Variants in EIF4G1 observed in about 807,000 individuals in gnomAD.
The protein encoded by EIF4G1 is eukaryotic translation initiation factor 4 gamma 1.
A neutral mutation model predicts 187.8 loss-of-function variants in EIF4G1; 4 were observed. That is an observed-to-expected ratio of 0.02 (90% CI 0.01 to 0.05). The LOEUF is 0.05. EIF4G1 is among the 10% of genes least tolerant of loss of function. The pLI, the probability that EIF4G1 is intolerant of heterozygous loss-of-function variation, is 1.00. For synonymous variants in EIF4G1, 844 were observed against 781.4 expected, an observed-to-expected ratio of 1.08 and a Z score of -1.34; for missense variants, 1,647 against 2,081.1, an observed-to-expected ratio of 0.79 and a Z score of 4.06.
chr3:184,324,128 GTAGT>G, intron 16 of EIF4G1, 69 bp from the exon 17 acceptor site: 4 of 1,610,530 alleles, frequency 2.5e-6, no homozygotes, highest in Non-Finnish European at 3.4e-6. Context: ...CCTGGGTCAG[GTAGT>G]TAAAGGCTCT....
intron 28 of EIF4G1, among the ~76,000 whole-genome samples, chr3:184,330,358 G>A (rs1725810256): frequency 6.6e-6 from 1 of 152,058 alleles, no homozygotes; most frequent in African/African-American, 2.4e-5. Context: ...CAGCCTGGGC[G>A]ACAGAGCAAG....
chr3:184,321,109 T>C (rs960510146), intron 9 of EIF4G1, 116 bp downstream of exon 9: 17 of 1,500,026 alleles, frequency 1.1e-5, no homozygotes, highest in Non-Finnish European at 1.5e-5. Context: ...AGATTTCAGG[T>C]TGTGGGATTT....
At chr3:184,324,010 C>A in intron 16 of EIF4G1, 33 bp downstream of exon 16, 1 of 1,612,768 alleles carries the variant, frequency 6.2e-7, no homozygotes, top group South Asian at 1.1e-5. Flanking sequence ...ATCTAATGGT[C>A]TGGTTGCCCA....
chr3:184,317,837 GA>G, intron 6 of EIF4G1, 21 bp downstream of exon 6: 1 of 1,576,068 alleles, frequency 6.3e-7, no homozygotes, highest in Non-Finnish European at 8.7e-7. Flanking sequence ...GAGGGAGTCA[GA>G]GGTGAGAACA....
chr3:184,321,338 C>T lies in EIF4G1; in HGVS notation c.754C>T (p.His252Tyr), dbSNP rs778091906. Residue 252 changes from histidine to tyrosine, a missense_variant, in exon 10 of 33, where the codon CAT becomes TAT. His to Tyr is a moderately conservative substitution (Grantham distance 83, BLOSUM62 2). Transcript: ENST00000346169. ...ADRPGLPGPEHSPSESQPSSP... is the reference protein window; with the variant it reads ...ADRPGLPGPEYSPSESQPSSP... Reference sequence around the variant, plus strand: ...CCGGCCAGGGCTGCCTGGCCCAGAGCATAGCCCTTCAGAATCCCAGCCTTC... The same window carrying T: ...CCGGCCAGGGCTGCCTGGCCCAGAGTATAGCCCTTCAGAATCCCAGCCTTC... The T allele has an allele frequency of 1.9e-6, 3 of 1,614,166 alleles. No individual in the cohort carries two copies. In the South Asian group the frequency reaches 3.3e-5, roughly 18 times the overall value.
intron 7 of EIF4G1, 27 bp downstream of exon 7, chr3:184,319,828 C>T: frequency 2.0e-6 from 3 of 1,476,828 alleles, no homozygotes; most frequent in African/African-American, 1.4e-5. Flanking sequence ...GGCTCCGGGA[C>T]ATCTGGGAAG....
At position 184,335,114 on chromosome 3, in the gene EIF4G1, C is replaced by A; in HGVS notation, c.*206C>A. 1 of 627,202 alleles carries A rather than the reference C, an allele frequency of 1.6e-6. No individual in the cohort carries two copies. Among genetic ancestry groups the A allele is most frequent in the South Asian group, 1.9e-5 (1 of 53,786 alleles). The allele number at this position is 627,202 out of a possible 1,614,324, so 38.9% of individuals were successfully genotyped here. On this transcript the variant is annotated 3_prime_UTR_variant, in exon 33 of 33. Transcript: ENST00000346169. ...GATGCCGCCAGGTGTCCCTCTCCTCCCCCTGGGGCACAGAGATATATTATA... is the reference window on the plus strand; with the variant it reads ...GATGCCGCCAGGTGTCCCTCTCCTCACCCTGGGGCACAGAGATATATTATA...
chr3:184,328,420 C>CT, intron 26 of EIF4G1: 1 of 736,458 alleles, frequency 1.4e-6, no homozygotes. Context: ...GTATGGGTTC[C>CT]TTGACCATCC....
rs899182487 is a variant in EIF4G1, at chr3:184,329,065, A to G, written c.4161+75A>G. 254 of 1,545,282 alleles carry G rather than the reference A, an allele frequency of 1.6e-4. 1 individual carries two copies. Among genetic ancestry groups the G allele is most frequent in the Non-Finnish European group, 2.1e-4 (239 of 1,120,892 alleles). ...CTGTTTGCTGTGGCCCTGAAGCTTCATGGTCCATTGGTGGAGTGGAGTGAT... is the reference window on the plus strand; with the variant it reads ...CTGTTTGCTGTGGCCCTGAAGCTTCGTGGTCCATTGGTGGAGTGGAGTGAT... On this transcript the variant is annotated intron_variant, in intron 28 of 32. Transcript: ENST00000346169.
Position 184,321,319 on chromosome 3 carries a change from A to C in EIF4G1, c.735A>C (p.Pro245=). 2 of 1,614,142 alleles carry C rather than the reference A, an allele frequency of 1.2e-6. No homozygotes were observed. Among genetic ancestry groups the C allele is most frequent in the Non-Finnish European group, 1.7e-6 (2 of 1,180,022 alleles). ...AGGGAGCAATCATTGCTGACCGGCC[A>C]GGGCTGCCTGGCCCAGAGCATAGCC... ...RSQGAIIADR[P]GLPGPEHSPS... is the part of the protein sequence containing the mutation. Residue 245 remains proline (P), a synonymous_variant, in exon 10 of 33, where the codon CCA becomes CCC. Transcript: ENST00000346169.
In EIF4G1 at chr3:184,321,005, G is replaced by A. The variant is rs376136961; in HGVS notation, c.697+12G>A. On this transcript the variant is annotated intron_variant, in intron 9 of 32. Coordinates refer to ENST00000346169, the MANE Select transcript of EIF4G1 (RefSeq NM_198241.3). Reference sequence around the variant, plus strand: ...CATTGTCCGGCCAGGTAAGTAAGCCGGTGGGACGGAGCTTTTATGGGGAAA... The same window carrying A: ...CATTGTCCGGCCAGGTAAGTAAGCCAGTGGGACGGAGCTTTTATGGGGAAA... 59 of 1,613,098 alleles carry A rather than the reference G, an allele frequency of 3.7e-5. No homozygotes were observed. The highest frequency in any genetic ancestry group is 4.6e-5 in the Non-Finnish European group (54 of 1,179,808).
intron 28 of EIF4G1, among the ~76,000 whole-genome samples, chr3:184,329,898 G>A (rs1352552465): frequency 6.6e-6 from 1 of 152,156 alleles, no homozygotes; most frequent in African/African-American, 2.4e-5. Flanking sequence ...AGTTTCAAGG[G>A]TTCAGCCATC....
rs1316537164 is a variant in EIF4G1, at chr3:184,317,699, C to G, written c.325-18C>G. On this transcript the variant is annotated intron_variant, in intron 5 of 32. Coordinates refer to ENST00000346169, the MANE Select transcript of EIF4G1 (RefSeq NM_198241.3). ...AGCTCCCTCAACTCCTTCTCTCCCTCTCCCCCTTCCCCACCAGGGGCGTTC... is the reference window on the plus strand; with the variant it reads ...AGCTCCCTCAACTCCTTCTCTCCCTGTCCCCCTTCCCCACCAGGGGCGTTC... 3 of 1,607,714 alleles carry G rather than the reference C, an allele frequency of 1.9e-6. No individual in the cohort carries two copies. The highest frequency in any genetic ancestry group is 1.7e-5 in the Admixed American group (1 of 60,006).
In EIF4G1 at chr3:184,331,462, T is replaced by G; in HGVS notation, c.4261-10T>G. ...CCTTACCTCTTAACTGCGGGCCTTT[T>G]CCATTGCAGAAGGTGGAGTATACCC... On this transcript the variant is annotated splice_polypyrimidine_tract_variant and intron_variant, in intron 29 of 32. Transcript: ENST00000346169. The G allele has an allele frequency of 6.2e-7, 1 of 1,614,162 alleles. No homozygotes were observed. Among genetic ancestry groups the G allele is most frequent in the African/African-American group, 1.3e-5 (1 of 75,032 alleles).
At chr3:184,333,850 G>T (rs1338343373) in intron 32 of EIF4G1, among the ~76,000 whole-genome samples, 4 of 152,206 alleles carry the variant, frequency 2.6e-5, no homozygotes, top group African/African-American at 4.8e-5. Flanking sequence ...ATTGGATGGG[G>T]TCCCTGGGTG....
At chr3:184,329,660 AAAC>A in intron 28 of EIF4G1, among the ~76,000 whole-genome samples, 1 of 152,240 alleles carries the variant, frequency 6.6e-6, no homozygotes, top group Non-Finnish European at 1.5e-5. Flanking sequence ...AGCTTGATAA[AAAC>A]AACAGTAAAG....
chr3:184,324,504 C>T (rs1173154249), intron 17 of EIF4G1, among the ~76,000 whole-genome samples, 157 bp downstream of exon 17: 1 of 152,154 alleles, frequency 6.6e-6, no homozygotes, highest in Admixed American at 6.5e-5. Flanking sequence ...CTTGCTCTGT[C>T]ACCCAGGCTG....
chr3:184,319,355 T>C (rs1723372509), intron 6 of EIF4G1: 1 of 383,674 alleles, frequency 2.6e-6, no homozygotes, highest in East Asian at 5.8e-5. Context: ...GAGTAACTTG[T>C]ACGGTGGAAG....
At chr3:184,330,780 C>T (rs940905829) in intron 28 of EIF4G1, among the ~76,000 whole-genome samples, 13 of 151,936 alleles carry the variant, frequency 8.6e-5, no homozygotes, top group African/African-American at 4.8e-5. Context: ...CTCGCTGTGT[C>T]GCCCAGGCTG....
Sources: allele counts gnomAD v4.1 joint callset (sites outside exome capture counted in the v4.1 genomes callset), GRCh38; gene constraint gnomAD v4.1.1; transcripts MANE v1.5; gene names NCBI Gene and HGNC (gene_info 2026-07-23, HGNC 2026-07-21).